Variants in NKAIN2 observed in about 807,000 individuals in gnomAD.
NKAIN2 encodes the protein sodium/potassium-transporting ATPase subunit beta-1-interacting protein 2.
NKAIN2 carries 14 observed loss-of-function variants against 32.6 expected under a neutral mutation model. That is an observed-to-expected ratio of 0.43 (90% CI 0.28 to 0.67). The LOEUF (loss-of-function observed/expected upper bound fraction) is 0.67. NKAIN2 is among the 30% of genes least tolerant of loss of function. NKAIN2 has a pLI of 0.17. For missense variants in NKAIN2, 198 were observed against 258.3 expected (o/e 0.77, Z 1.60); for synonymous variants, 80 against 87.2 (o/e 0.92, Z 0.46).
intron 3 of NKAIN2, among the ~76,000 whole-genome samples, chr6:124,654,430 AAG>A (rs1284759478): frequency 6.6e-6 from 1 of 152,166 alleles, no homozygotes; most frequent in African/African-American, 2.4e-5. Flanking sequence ...CGTAAGTTAA[AAG>A]AGAAAATACC....
intron 1 of NKAIN2, among the ~76,000 whole-genome samples, chr6:124,065,476 C>G (rs867685279): frequency 1.3e-5 from 2 of 152,202 alleles, no homozygotes; most frequent in South Asian, 4.2e-4. Context: ...GGACAGAGCC[C>G]TCATGAATAG....
chr6:124,302,991 CT>C (rs766041733), intron 2 of NKAIN2, among the ~76,000 whole-genome samples: 114 of 152,204 alleles, frequency 7.5e-4, no homozygotes, highest in African/African-American at 2.6e-3. Context: ...GAATTTGGAC[CT>C]TTTATGTAGA....
intron 4 of NKAIN2, among the ~76,000 whole-genome samples, chr6:124,663,325 G>C (rs572301677): frequency 7.4e-4 from 112 of 152,130 alleles, no homozygotes; most frequent in African/African-American, 2.6e-3. Context: ...CCGCTACTCA[G>C]GAGGCTAAGG....
chr6:124,687,132 T>A (rs2619078), intron 4 of NKAIN2, among the ~76,000 whole-genome samples: 96,022 of 148,834 alleles, frequency 0.65, 31,306 homozygotes, highest in East Asian at 0.75. Context: ...ATAAGCTCCC[T>A]TAAATATATA....
chr6:124,716,527 C>T (rs1293897673), intron 4 of NKAIN2, among the ~76,000 whole-genome samples: 3 of 152,136 alleles, frequency 2.0e-5, no homozygotes, highest in Non-Finnish European at 4.4e-5. Flanking sequence ...ACATGAGTTT[C>T]GTGACATCCC....
At chr6:123,812,815 A>G (rs1562194715) in intron 1 of NKAIN2, among the ~76,000 whole-genome samples, 1 of 152,012 alleles carries the variant, frequency 6.6e-6, no homozygotes, top group Non-Finnish European at 1.5e-5. Context: ...CACATTTAAA[A>G]CCCCCAACAA....
chr6:124,148,681 C>T (rs1325391783), intron 1 of NKAIN2, among the ~76,000 whole-genome samples: 2 of 152,080 alleles, frequency 1.3e-5, no homozygotes, highest in East Asian at 3.9e-4. Flanking sequence ...ACAATATTTC[C>T]TTGTATGAAT....
chr6:124,090,266 T>C (rs1784358381), intron 1 of NKAIN2, among the ~76,000 whole-genome samples: 1 of 152,024 alleles, frequency 6.6e-6, no homozygotes, highest in South Asian at 2.1e-4. Flanking sequence ...ATTCTTTAAC[T>C]GAAGTCAAAG....
chr6:124,585,857 G>A (rs913824797), intron 3 of NKAIN2, among the ~76,000 whole-genome samples: 5 of 152,024 alleles, frequency 3.3e-5, no homozygotes, highest in African/African-American at 1.2e-4. Flanking sequence ...TTTAAGTTTG[G>A]ACAAAATTCA....
At chr6:124,160,638 G>T (rs1198740964) in intron 1 of NKAIN2, among the ~76,000 whole-genome samples, 1 of 152,016 alleles carries the variant, frequency 6.6e-6, no homozygotes. Context: ...AACAGAAAAT[G>T]ATAAAATGAA....
chr6:123,985,577 G>T (rs1779100119), intron 1 of NKAIN2, among the ~76,000 whole-genome samples: 1 of 152,152 alleles, frequency 6.6e-6, no homozygotes, highest in Non-Finnish European at 1.5e-5. Flanking sequence ...TTCAAAGTCT[G>T]AAAAGATTCA....
At chr6:124,642,286 G>A (rs559503032) in intron 3 of NKAIN2, among the ~76,000 whole-genome samples, 20 of 152,124 alleles carry the variant, frequency 1.3e-4, no homozygotes, top group South Asian at 4.2e-4. Flanking sequence ...GTTCTTCCTC[G>A]CATCTTGAAC....
intron 4 of NKAIN2, among the ~76,000 whole-genome samples, chr6:124,725,765 A>T (rs1776258177): frequency 6.6e-6 from 1 of 152,178 alleles, no homozygotes; most frequent in African/African-American, 2.4e-5. Flanking sequence ...GACGCAGAAG[A>T]CGGTGATTTC....
At position 123,991,590 on chromosome 6, in the gene NKAIN2, C is replaced by T. The variant is rs182644269; in HGVS notation, c.54+187336C>T. 3.9e-5 allele frequency among the ~76,000 whole-genome samples: 6 copies of T among 152,160 alleles called. No individual in the cohort carries two copies. In the East Asian group the frequency reaches 5.8e-4, roughly 15 times the overall value. On this transcript the variant is annotated intron_variant, in intron 1 of 6. Transcript: ENST00000368417. ...AATATAAAATATTTTTGGCTGGGCA[C>T]GGTGGCTCATGCCTGTAATCCCAGC...
At chr6:124,100,767 C>T (rs1315517645) in intron 1 of NKAIN2, among the ~76,000 whole-genome samples, 1 of 152,166 alleles carries the variant, frequency 6.6e-6, no homozygotes, top group Non-Finnish European at 1.5e-5. Context: ...TGTGGGGCCC[C>T]TAGAATTGTT....
At chr6:124,526,936 A>G (rs1292788409) in intron 3 of NKAIN2, among the ~76,000 whole-genome samples, 3 of 151,758 alleles carry the variant, frequency 2.0e-5, no homozygotes, top group Non-Finnish European at 4.4e-5. Flanking sequence ...GGTCTGAATC[A>G]TTTTTTTTCC....
intron 3 of NKAIN2, among the ~76,000 whole-genome samples, chr6:124,527,518 G>T (rs1779364493): frequency 6.6e-6 from 1 of 152,056 alleles, no homozygotes; most frequent in African/African-American, 2.4e-5. Context: ...CTTATTGTGG[G>T]GGTCAAAGTG....
At chr6:124,038,000 G>C (rs768500642) in intron 1 of NKAIN2, among the ~76,000 whole-genome samples, 1 of 152,158 alleles carries the variant, frequency 6.6e-6, no homozygotes, top group Non-Finnish European at 1.5e-5. Context: ...AAGTAGAGCT[G>C]CTTTGTTAAA....
At chr6:124,537,599 T>G (rs1460060237) in intron 3 of NKAIN2, among the ~76,000 whole-genome samples, 1 of 152,242 alleles carries the variant, frequency 6.6e-6, no homozygotes, top group Non-Finnish European at 1.5e-5. Flanking sequence ...TCTGTATGTT[T>G]ACTATCTTTT....
Sources: gnomAD v4.1 joint callset for allele counts (sites outside exome capture counted in the v4.1 genomes callset) on GRCh38, gnomAD v4.1.1 for gene constraint, MANE v1.5 for transcripts, NCBI Gene and HGNC (gene_info 2026-07-23, HGNC 2026-07-21) for gene names.